The following PHACTR1 variants were observed in gnomAD, a reference collection of about 807,000 sequenced individuals.
The protein encoded by PHACTR1 is phosphatase and actin regulator 1, also known as RPEL repeat containing 1.
A neutral mutation model predicts 69.2 loss-of-function variants in PHACTR1; 16 were observed. That is an observed-to-expected ratio of 0.23 (90% CI 0.16 to 0.35). PHACTR1 has a LOEUF of 0.35. PHACTR1 is among the 10% of genes least tolerant of loss of function. PHACTR1 has a pLI of 1.00. For synonymous variants in PHACTR1, 312 were observed against 284.5 expected, an observed-to-expected ratio of 1.10 and a Z score of -0.97; for missense variants, 510 against 734.7, an observed-to-expected ratio of 0.69 and a Z score of 3.54.
At chr6:13,021,127 A>G (rs528713879) in intron 4 of PHACTR1, among the ~76,000 whole-genome samples, 2 of 152,306 alleles carry the variant, frequency 1.3e-5, no homozygotes, top group South Asian at 2.1e-4. Flanking sequence ...TTACACCTAA[A>G]AAGCAACTCT....
At chr6:12,953,476 C>T (rs985845367) in intron 4 of PHACTR1, among the ~76,000 whole-genome samples, 6 of 152,164 alleles carry the variant, frequency 3.9e-5, no homozygotes, top group Admixed American at 3.3e-4. Context: ...AAAATACATG[C>T]CTTAGCCTGT....
chr6:13,169,297 C>G (rs578032380), intron 6 of PHACTR1, among the ~76,000 whole-genome samples: 1 of 152,254 alleles, frequency 6.6e-6, no homozygotes, highest in African/African-American at 2.4e-5. Flanking sequence ...CCCATTGAGT[C>G]TCAGATATCC....
At chr6:12,909,990 C>G (rs780797280) in intron 4 of PHACTR1, among the ~76,000 whole-genome samples, 4 of 152,254 alleles carry the variant, frequency 2.6e-5, no homozygotes, top group Admixed American at 6.5e-5. Flanking sequence ...CTGGCAAACT[C>G]CGCAGCCTTC....
chr6:12,973,916 A>ATTTTT (rs33948457), intron 4 of PHACTR1, among the ~76,000 whole-genome samples: 59 of 92,844 alleles, frequency 6.4e-4, no homozygotes, highest in Non-Finnish European at 8.4e-4. Context: ...AGAGGCTGGG[A>ATTTTT]TTTTTTTTTT....
At chr6:13,167,031 C>T (rs986349598) in intron 6 of PHACTR1, among the ~76,000 whole-genome samples, 2 of 152,168 alleles carry the variant, frequency 1.3e-5, no homozygotes, top group African/African-American at 4.8e-5. Flanking sequence ...ACCTGGCTAG[C>T]TACTGATTAT....
At chr6:12,805,185 C>T (rs1439807583) in intron 4 of PHACTR1, among the ~76,000 whole-genome samples, 6 of 152,112 alleles carry the variant, frequency 3.9e-5, no homozygotes, top group East Asian at 3.9e-4. Flanking sequence ...CTCATCTGTG[C>T]GTTGAAAATA....
At chr6:13,000,305 T>G (rs1797917887) in intron 4 of PHACTR1, among the ~76,000 whole-genome samples, 1 of 152,162 alleles carries the variant, frequency 6.6e-6, no homozygotes, top group South Asian at 2.1e-4. Context: ...CCCAGCACTT[T>G]GGGAGGCCAA....
chr6:12,758,881 G>C (rs746443245), intron 4 of PHACTR1, among the ~76,000 whole-genome samples: 2 of 152,094 alleles, frequency 1.3e-5, no homozygotes, highest in African/African-American at 2.4e-5. Flanking sequence ...CTTGCGTTTT[G>C]GGAGGCTGAG....
intron 4 of PHACTR1, among the ~76,000 whole-genome samples, chr6:12,812,707 G>A (rs1365603387): frequency 6.6e-6 from 1 of 152,136 alleles, no homozygotes; most frequent in East Asian, 1.9e-4. Context: ...TTAGTGATTC[G>A]AGCACAACAT....
chr6:13,242,479 T>C (rs566539509), intron 10 of PHACTR1, among the ~76,000 whole-genome samples: 1 of 152,278 alleles, frequency 6.6e-6, no homozygotes, highest in African/African-American at 2.4e-5. Flanking sequence ...CAATTAGCAG[T>C]TGGAATTCAG....
chr6:13,243,984 T>G (rs1485291365), intron 10 of PHACTR1, among the ~76,000 whole-genome samples: 1 of 152,226 alleles, frequency 6.6e-6, no homozygotes, highest in Non-Finnish European at 1.5e-5. Context: ...CACATTTTCT[T>G]TATCCAGTCT....
chr6:13,146,456 G>T (rs1229763276), intron 5 of PHACTR1, among the ~76,000 whole-genome samples: 1 of 152,192 alleles, frequency 6.6e-6, no homozygotes, highest in Admixed American at 6.5e-5. Context: ...TTCTCTGTCT[G>T]ATAAAAAGTC....
intron 4 of PHACTR1, among the ~76,000 whole-genome samples, chr6:12,954,803 A>C (rs1033340010): frequency 6.6e-6 from 1 of 152,244 alleles, no homozygotes; most frequent in Non-Finnish European, 1.5e-5. Context: ...GAACCAAATT[A>C]ATATAATTTA....
At chr6:13,156,926 C>A (rs1162009331) in intron 5 of PHACTR1, among the ~76,000 whole-genome samples, 1 of 152,170 alleles carries the variant, frequency 6.6e-6, no homozygotes, top group Non-Finnish European at 1.5e-5. Flanking sequence ...TTTCAGCTAC[C>A]ATCATCCCCT....
chr6:13,256,250 C>A (rs2127408827), intron 10 of PHACTR1, among the ~76,000 whole-genome samples: 1 of 152,344 alleles, frequency 6.6e-6, no homozygotes, highest in Middle Eastern at 3.4e-3. Flanking sequence ...CCCAAGGCTG[C>A]ACAGGGCAGC....
intron 12 of PHACTR1, chr6:13,279,929 C>T (rs968581636): frequency 5.0e-5 from 3 of 59,990 alleles, no homozygotes; most frequent in Non-Finnish European, 9.7e-5. Context: ...GGTCTAGACA[C>T]TTAGAAAAAA....
intron 5 of PHACTR1, among the ~76,000 whole-genome samples, chr6:13,120,140 T>C (rs980258724): frequency 3.3e-5 from 5 of 152,178 alleles, no homozygotes; most frequent in Admixed American, 6.5e-5. Flanking sequence ...ACAAATATTT[T>C]ATTCATTCTT....
intron 4 of PHACTR1, among the ~76,000 whole-genome samples, chr6:12,838,137 T>C (rs942096024): frequency 1.3e-5 from 2 of 152,154 alleles, no homozygotes; most frequent in Non-Finnish European, 2.9e-5. Flanking sequence ...AGTGAAAGCG[T>C]TTTCCTATAT....
At chr6:13,135,975 A>G (rs1821480988) in intron 5 of PHACTR1, among the ~76,000 whole-genome samples, 1 of 152,198 alleles carries the variant, frequency 6.6e-6, no homozygotes. Flanking sequence ...TTCAGAAACA[A>G]CTACCTTTAG....
Sources: gnomAD v4.1 joint callset for allele counts (sites outside exome capture counted in the v4.1 genomes callset) on GRCh38, gnomAD v4.1.1 for gene constraint, MANE v1.5 for transcripts, NCBI Gene and HGNC (gene_info 2026-07-23, HGNC 2026-07-21) for gene names.